OPRM1: variants seen among roughly 807,000 people sequenced by gnomAD.
OPRM1 encodes the protein mu-type opioid receptor.
In OPRM1, 27 loss-of-function variants were observed where a neutral mutation model predicts 31.8. The ratio of observed to expected loss-of-function variants is 0.85; its 90% CI spans 0.63 to 1.17. The LOEUF (loss-of-function observed/expected upper bound fraction) is 1.17, where lower values mean the gene tolerates loss of function less well. Ranked by LOEUF, OPRM1 falls within the 50% of genes most tolerant of loss-of-function variation. OPRM1 has a pLI of 0.00. For missense variants in OPRM1, 536 were observed against 511.1 expected (o/e 1.05, Z -0.47); for synonymous variants, 196 against 189.9 (o/e 1.03, Z -0.26).
chr6:154,246,537 T>A, intron 3 of OPRM1: 1 of 1,550,888 alleles, frequency 6.4e-7, no homozygotes. Context: ...CCTGATGCCT[T>A]TAACGTATCC....
intron 1 of OPRM1, among the ~76,000 whole-genome samples, chr6:154,066,841 TG>T (rs370194065): frequency 2.7e-4 from 41 of 152,278 alleles, no homozygotes; most frequent in African/African-American, 9.6e-4. Flanking sequence ...ACATTTTTGT[TG>T]TTAAAACCAC....
chr6:154,052,940 AT>A (rs1782499494), intron 1 of OPRM1, among the ~76,000 whole-genome samples: 2 of 152,198 alleles, frequency 1.3e-5, no homozygotes, highest in Non-Finnish European at 2.9e-5. Context: ...GTTGCCATAG[AT>A]TGCTATGACA....
At chr6:154,061,609 A>T (rs913771910) in intron 1 of OPRM1, among the ~76,000 whole-genome samples, 1 of 152,114 alleles carries the variant, frequency 6.6e-6, no homozygotes, top group Non-Finnish European at 1.5e-5. Flanking sequence ...TATAAGTGAG[A>T]GCTAAACATT....
intron 1 of OPRM1, among the ~76,000 whole-genome samples, chr6:154,077,470 C>T (rs1235793148): frequency 1.3e-5 from 2 of 151,422 alleles, no homozygotes; most frequent in African/African-American, 2.4e-5. Context: ...GTGGCTCACG[C>T]CTGTAATCCC....
At chr6:154,051,070 G>A (rs1466204637) in intron 1 of OPRM1, among the ~76,000 whole-genome samples, 1 of 152,128 alleles carries the variant, frequency 6.6e-6, no homozygotes, top group African/African-American at 2.4e-5. Context: ...TCCTTACAAT[G>A]TAGGATTTCA....
intron 3 of OPRM1, chr6:154,167,810 C>G (rs1799558471): frequency 1.3e-6 from 1 of 783,406 alleles, no homozygotes; most frequent in Non-Finnish European, 2.0e-6. Flanking sequence ...TTTTACAGCC[C>G]TTCCCTGCAA....
At chr6:154,160,842 A>G (rs1798951387) in intron 3 of OPRM1, among the ~76,000 whole-genome samples, 1 of 152,176 alleles carries the variant, frequency 6.6e-6, no homozygotes, top group Non-Finnish European at 1.5e-5. Flanking sequence ...CCAGTTCAAT[A>G]TATCACGTTT....
intron 3 of OPRM1, among the ~76,000 whole-genome samples, chr6:154,218,627 A>G (rs950771441): frequency 6.6e-6 from 1 of 152,220 alleles, no homozygotes; most frequent in Non-Finnish European, 1.5e-5. Flanking sequence ...TGTTATTGCA[A>G]AGTAAATCTC....
Position 154,162,951 on chromosome 6 carries a change from C to T in OPRM1, c.1164+71479C>T, listed in dbSNP as rs987942561. On this transcript the variant is annotated intron_variant, in intron 3 of 3. Transcript: ENST00000337049. ...AATGCACACCAAACCCGGTTCCTAC[C>T]GTAGTCTTCCACAAAGCACTTAATG... is the stretch of plus-strand genomic sequence containing the variant. Among the ~76,000 whole-genome samples, 5 of 152,200 alleles carry T rather than the reference C, an allele frequency of 3.3e-5. No homozygotes were observed. The South Asian group carries it at 8.3e-4, about 25-fold the overall frequency.
At chr6:154,232,029 T>G (rs1002262051) in intron 3 of OPRM1, among the ~76,000 whole-genome samples, 6 of 152,206 alleles carry the variant, frequency 3.9e-5, no homozygotes, top group African/African-American at 1.4e-4. Context: ...GTTATTATCA[T>G]TTTTACATAG....
intron 3 of OPRM1, among the ~76,000 whole-genome samples, chr6:154,184,862 CTT>C (rs900207748): frequency 6.7e-6 from 1 of 150,350 alleles, no homozygotes; most frequent in Non-Finnish European, 1.5e-5. Flanking sequence ...GTAATTAAAA[CTT>C]AAATACAGAT....
chr6:154,238,179 G>T (rs1780289918), intron 3 of OPRM1, among the ~76,000 whole-genome samples: 1 of 152,098 alleles, frequency 6.6e-6, no homozygotes, highest in South Asian at 2.1e-4. Context: ...TTTTATTTTT[G>T]TAAAACATAG....
intron 3 of OPRM1, among the ~76,000 whole-genome samples, chr6:154,200,935 G>A (rs576946046): frequency 1.3e-5 from 2 of 152,224 alleles, no homozygotes; most frequent in South Asian, 4.2e-4. Context: ...CCCACATGTC[G>A]AGGGAGGGAC....
rs1583478475 is a variant in OPRM1 at position 154,090,164 on chromosome 6, C to T, written c.629C>T (p.Thr210Ile). ...CTTCCTGTAATGTTCATGGCTACAA[C>T]AAAATACAGGCAAGGTGAGTGATGT... is the stretch of plus-strand genomic sequence containing the variant. ...IGLPVMFMAT[T>I]KYRQGSIDCT... The change falls in exon 2 of 4, where the codon ACA becomes ATA. Residue 210 changes from threonine (T) to isoleucine (I), a missense_variant. Coordinates refer to ENST00000330432, the MANE Select transcript of OPRM1 (RefSeq NM_000914.5). The T allele has an allele frequency of 6.2e-7, 1 of 1,611,044 alleles. No individual in the cohort carries two copies. Among genetic ancestry groups the T allele is most frequent in the Non-Finnish European group, 8.5e-7 (1 of 1,177,856 alleles).
intron 3 of OPRM1, among the ~76,000 whole-genome samples, chr6:154,180,347 C>CATATAT (rs143058126): frequency 9.1e-5 from 13 of 142,152 alleles, no homozygotes; most frequent in Middle Eastern, 7.2e-3. Flanking sequence ...AGAAAGGAGA[C>CATATAT]ATATATATAT....
At chr6:154,163,507 T>A (rs1243144679) in intron 3 of OPRM1, among the ~76,000 whole-genome samples, 1 of 152,206 alleles carries the variant, frequency 6.6e-6, no homozygotes, top group Admixed American at 6.5e-5. Flanking sequence ...TATCATATTA[T>A]ACATTTAATA....
At chr6:154,097,814 C>T (rs568383153) in intron 3 of OPRM1, among the ~76,000 whole-genome samples, 7 of 152,120 alleles carry the variant, frequency 4.6e-5, no homozygotes, top group Non-Finnish European at 5.9e-5. Flanking sequence ...CATATATTGA[C>T]CATTTTGTGT....
In OPRM1 at chr6:154,039,759, C is replaced by T. The variant is rs201310502; in HGVS notation, c.215C>T (p.Thr72Met). The change falls in exon 1 of 4, where the codon ACG (threonine) becomes ATG (methionine). Residue 72 changes from threonine (T) to methionine (M), a missense_variant. Transcript: ENST00000330432. ...TGSPSMITAI[T>M]IMALYSIVCV... The stretch of plus-strand genomic sequence containing the variant: ...AGTCCCTCCATGATCACGGCCATCA[C>T]GATCATGGCCCTCTACTCCATCGTG... The T allele has an allele frequency of 1.2e-5, 19 of 1,606,052 alleles. No homozygotes were observed. The highest frequency in any genetic ancestry group is 1.5e-5 in the Non-Finnish European group (18 of 1,179,858).
intron 1 of OPRM1, among the ~76,000 whole-genome samples, chr6:154,044,181 A>G (rs894072838): frequency 6.6e-6 from 1 of 152,050 alleles, no homozygotes; most frequent in East Asian, 1.9e-4. Flanking sequence ...TGCTCCTAAT[A>G]CCCTCCTGTC....
Sources: allele counts gnomAD v4.1 joint callset (sites outside exome capture counted in the v4.1 genomes callset), GRCh38; gene constraint gnomAD v4.1.1; transcripts MANE v1.5; gene names NCBI Gene and HGNC (gene_info 2026-07-23, HGNC 2026-07-21).